WAPL: variants seen among roughly 807,000 people sequenced by gnomAD.
WAPL encodes wings apart-like protein homolog.
WAPL carries 5 observed loss-of-function variants against 121.0 expected under a neutral mutation model. The ratio of observed to expected loss-of-function variants is 0.04; its 90% confidence interval spans 0.02 to 0.09. The LOEUF (loss-of-function observed/expected upper bound fraction) is 0.09, where lower values mean the gene tolerates loss of function less well. WAPL is among the 10% of genes least tolerant of loss of function. The pLI, the probability that WAPL is intolerant of heterozygous loss-of-function variation, is 1.00. For synonymous variants in WAPL, 480 were observed against 481.5 expected (o/e 1.00, Z 0.04); for missense variants, 999 against 1,410.8 (o/e 0.71, Z 4.68).
At chr10:86,489,175 C>T (rs900419935) in intron 4 of WAPL, among the ~76,000 whole-genome samples, 6 of 152,180 alleles carry the variant, frequency 3.9e-5, no homozygotes, top group Admixed American at 3.9e-4. Flanking sequence ...GACCAGGAAA[C>T]ACAGATCCCA....
intron 8 of WAPL, among the ~76,000 whole-genome samples, chr10:86,469,679 A>G (rs1841490561): frequency 6.6e-6 from 1 of 152,348 alleles, no homozygotes; most frequent in Middle Eastern, 3.4e-3. Context: ...AACCTATTTC[A>G]ATATACAGAA....
intron 4 of WAPL, among the ~76,000 whole-genome samples, chr10:86,475,450 A>G (rs1273008470): frequency 6.6e-6 from 1 of 152,250 alleles, no homozygotes; most frequent in Non-Finnish European, 1.5e-5. Context: ...TCCCCTTACT[A>G]GCTGCACTGA....
At chr10:86,501,975 A>G (rs1453588092) in intron 2 of WAPL, among the ~76,000 whole-genome samples, 1 of 152,248 alleles carries the variant, frequency 6.6e-6, no homozygotes, top group African/African-American at 2.4e-5. Context: ...CACAGGCATG[A>G]GCCACCACGT....
chr10:86,511,821 C>A (rs187806481), intron 2 of WAPL, among the ~76,000 whole-genome samples: 9 of 152,216 alleles, frequency 5.9e-5, no homozygotes, highest in Admixed American at 5.9e-4. Flanking sequence ...CTCCCAACTA[C>A]TGGGGAGGCC....
chr10:86,474,003 T>C (rs1245076770), intron 4 of WAPL, 30 bp from the exon 5 acceptor site: 1 of 1,550,776 alleles, frequency 6.4e-7, no homozygotes, highest in Non-Finnish European at 8.9e-7. Context: ...ATCAACTGCT[T>C]CCATCCTTAT....
At position 86,456,069 on chromosome 10, in the gene WAPL, T is replaced by C. The variant is rs116883195; in HGVS notation, c.2658-2238A>G. On this transcript the variant is annotated intron_variant, in intron 12 of 18. Transcript: ENST00000298767. Reference sequence around the variant, plus strand: ...TGAGAGAGGAATCAATAATGTAGAGTCTGATGGACACTCAATGATCAGCCT... The same window carrying C: ...TGAGAGAGGAATCAATAATGTAGAGCCTGATGGACACTCAATGATCAGCCT... Among the ~76,000 whole-genome samples, 1,134 of 152,190 alleles carry C rather than the reference T, an allele frequency of 7.5e-3. 77 individuals carry two copies. The East Asian group carries it at 0.18, about 24-fold the overall frequency.
chr10:86,480,546 T>A (rs1841757705), intron 4 of WAPL, among the ~76,000 whole-genome samples: 1 of 152,156 alleles, frequency 6.6e-6, no homozygotes, highest in Admixed American at 6.5e-5. Context: ...TTCTCACAAC[T>A]AAAAATACCA....
chr10:86,517,048 C>G (rs1396630660), intron 2 of WAPL, among the ~76,000 whole-genome samples: 1 of 147,078 alleles, frequency 6.8e-6, no homozygotes. Context: ...GACTCCTTCT[C>G]AAAAAAAAAA....
chr10:86,466,750 G>A (rs1312846181), intron 9 of WAPL, among the ~76,000 whole-genome samples: 2 of 152,078 alleles, frequency 1.3e-5, no homozygotes, highest in African/African-American at 4.8e-5. Flanking sequence ...AGGCTGGAGT[G>A]CAGGGGCACG....
chr10:86,472,426 G>A lies in WAPL; in HGVS notation c.1894-82C>T, dbSNP rs1841553933. The A allele has an allele frequency of 2.6e-6, 4 of 1,540,490 alleles. No individual in the cohort carries two copies. Among genetic ancestry groups the A allele is most frequent in the Non-Finnish European group, 3.5e-6 (4 of 1,147,502 alleles). ...TATGGGCTCACTGTACTTTACATAAGTGCATAAAATAGTTCATTAGATGGC... is the reference window on the plus strand; with the variant it reads ...TATGGGCTCACTGTACTTTACATAAATGCATAAAATAGTTCATTAGATGGC... On this transcript the variant is annotated intron_variant, in intron 6 of 18. Coordinates refer to ENST00000298767, the MANE Select transcript of WAPL (RefSeq NM_015045.5). The surrounding 1 kb of genome is among the most constrained non-coding windows in gnomAD (Gnocchi z 4.2).
At chr10:86,517,034 G>A (rs558975355) in intron 2 of WAPL, among the ~76,000 whole-genome samples, 1 of 152,214 alleles carries the variant, frequency 6.6e-6, no homozygotes, top group Admixed American at 6.5e-5. Context: ...ATGGGCGACA[G>A]CGAGACTCCT....
intron 1 of WAPL, among the ~76,000 whole-genome samples, chr10:86,518,689 A>G (rs1005827712): frequency 2.0e-5 from 3 of 152,246 alleles, no homozygotes; most frequent in Non-Finnish European, 2.9e-5. Flanking sequence ...TTACTTATAT[A>G]AAATCTTAAG....
At chr10:86,455,420 T>G (rs1241610893) in intron 12 of WAPL, among the ~76,000 whole-genome samples, 1 of 152,056 alleles carries the variant, frequency 6.6e-6, no homozygotes, top group African/African-American at 2.4e-5. Context: ...CTGTGTCCAC[T>G]CAGGGTTAAA....
chr10:86,467,202 G>T, intron 9 of WAPL, 77 bp downstream of exon 9: 1 of 1,343,210 alleles, frequency 7.4e-7, no homozygotes, highest in Non-Finnish European at 1.0e-6. Context: ...TTTGCCCACA[G>T]TCACACAGCT....
chr10:86,488,784 T>C (rs1055310146), intron 4 of WAPL, among the ~76,000 whole-genome samples: 2 of 152,154 alleles, frequency 1.3e-5, no homozygotes, highest in African/African-American at 4.8e-5. Flanking sequence ...GAAGAAAATA[T>C]CTACCTAACA....
intron 4 of WAPL, among the ~76,000 whole-genome samples, chr10:86,492,688 A>G (rs370060767): frequency 6.6e-6 from 1 of 152,328 alleles, no homozygotes; most frequent in East Asian, 1.9e-4. Flanking sequence ...AAATTAAATG[A>G]CATCAGTAGG....
chr10:86,494,796 T>A (rs1047235403), intron 4 of WAPL, among the ~76,000 whole-genome samples: 2 of 152,200 alleles, frequency 1.3e-5, no homozygotes, highest in Admixed American at 1.3e-4. Context: ...CGGTTTCACA[T>A]TCCAAGTTGC....
intron 12 of WAPL, among the ~76,000 whole-genome samples, chr10:86,456,334 G>C (rs890432154): frequency 7.1e-6 from 1 of 140,066 alleles, no homozygotes; most frequent in African/African-American, 2.7e-5. Flanking sequence ...ATGATGATCA[G>C]AATAAAACCC....
chr10:86,487,871 G>A (rs1031982782), intron 4 of WAPL, among the ~76,000 whole-genome samples: 6 of 152,068 alleles, frequency 3.9e-5, no homozygotes, highest in African/African-American at 1.4e-4. Flanking sequence ...CTCCAGCCTG[G>A]GCAACAGAGC....
Sources: allele counts gnomAD v4.1 joint callset (sites outside exome capture counted in the v4.1 genomes callset), GRCh38; gene constraint gnomAD v4.1.1; non-coding constraint Gnocchi (gnomAD v3.1); transcripts MANE v1.5; gene names NCBI Gene and HGNC (gene_info 2026-07-23, HGNC 2026-07-21).